NSD2: variants seen among roughly 807,000 people sequenced by gnomAD.
NSD2 encodes the protein nuclear receptor binding SET domain protein 2, also known as histone-lysine N-methyltransferase NSD2.
NSD2 carries 12 observed loss-of-function variants against 139.0 expected under a neutral mutation model. The observed-to-expected ratio is 0.09, with a 90% CI of 0.06 to 0.14. The LOEUF (loss-of-function observed/expected upper bound fraction) is 0.14, where lower values mean the gene tolerates loss of function less well. Among genes scored for constraint, NSD2 ranks in the 10% least tolerant of loss-of-function variants. The probability of loss-of-function intolerance (pLI) is 1.00; values close to 1 mark genes in which losing one functional copy is unlikely to be tolerated. For missense variants in NSD2, 1,155 were observed against 1,745.0 expected (o/e 0.66, Z 6.02); for synonymous variants, 669 against 648.7 (o/e 1.03, Z -0.48).
At chr4:1,871,644 G>T (rs1384906261) in intron 1 of NSD2, 102 bp downstream of exon 1, 2 of 149,610 alleles carry the variant, frequency 1.3e-5, no homozygotes, top group South Asian at 4.1e-4. Flanking sequence ...GGAGGACCGC[G>T]GAGGCCTGAG....
intron 1 of NSD2, among the ~76,000 whole-genome samples, chr4:1,875,466 G>T (rs1167421429): frequency 6.6e-6 from 1 of 151,960 alleles, no homozygotes; most frequent in Non-Finnish European, 1.5e-5. Context: ...GTTTTATACA[G>T]ACAGGATTTC....
chr4:1,875,030 T>C (rs2108882170), intron 1 of NSD2, among the ~76,000 whole-genome samples: 1 of 152,176 alleles, frequency 6.6e-6, no homozygotes, highest in East Asian at 1.9e-4. Flanking sequence ...GGTTCAATCA[T>C]AGCTCACTGT....
At chr4:1,939,582 G>T in intron 8 of NSD2, 72 bp from the exon 9 acceptor site, 1 of 1,429,894 alleles carries the variant, frequency 7.0e-7, no homozygotes, top group East Asian at 2.3e-5. Flanking sequence ...CTTATTTGAG[G>T]GGTAATTTTT....
chr4:1,968,264 G>C (rs568872523), intron 18 of NSD2, among the ~76,000 whole-genome samples: 1 of 152,302 alleles, frequency 6.6e-6, no homozygotes, highest in African/African-American at 2.4e-5. Context: ...CAAGTTTGTG[G>C]GTATGTGGAT....
chr4:1,949,580 G>A (rs979399093), intron 9 of NSD2, among the ~76,000 whole-genome samples: 1 of 152,118 alleles, frequency 6.6e-6, no homozygotes, highest in African/African-American at 2.4e-5. Flanking sequence ...GGCCAACATG[G>A]TGAAACCCCA....
intron 18 of NSD2, among the ~76,000 whole-genome samples, chr4:1,963,523 T>G (rs1725574212): frequency 6.6e-6 from 1 of 152,218 alleles, no homozygotes; most frequent in Non-Finnish European, 1.5e-5. Flanking sequence ...TGTAAACTAC[T>G]TATGTGCTGT....
intron 9 of NSD2, chr4:1,945,865 T>C: frequency 9.4e-7 from 1 of 1,061,494 alleles, no homozygotes; most frequent in Non-Finnish European, 1.1e-6. Flanking sequence ...AAGGTCGTTA[T>C]GACTTTGGCA....
Position 1,901,103 on chromosome 4 carries a change from A to C in NSD2, c.449A>C (p.Asp150Ala). The change falls in exon 2 of 22, where the codon GAT becomes GCT. Residue 150 changes from aspartate to alanine, a missense_variant. Transcript: ENST00000508803. ...TCCATTTGTGGTGACAGTGCTGCTG[A>C]TGTGTCTCAGTCAGAAGAAAATGGA... ...ESSICGDSAA[D>A]VSQSEENGQK... 1 of 1,614,234 alleles carries C rather than the reference A, an allele frequency of 6.2e-7. No homozygotes were observed. The highest frequency in any genetic ancestry group is 8.5e-7 in the Non-Finnish European group (1 of 1,180,044).
At chr4:1,896,777 TTTC>T (rs1716391371) in intron 1 of NSD2, among the ~76,000 whole-genome samples, 2 of 151,844 alleles carry the variant, frequency 1.3e-5, no homozygotes, top group African/African-American at 4.8e-5. Context: ...TTCTCTTTTT[TTTC>T]TTTTCTTTTC....
intron 9 of NSD2, chr4:1,943,412 TATAATA>T (rs1723304712): frequency 3.8e-6 from 4 of 1,041,804 alleles, no homozygotes; most frequent in Non-Finnish European, 4.6e-6. Context: ...TAATAATGGT[TATAATA>T]ATAAAAATGA....
At chr4:1,905,085 G>A (rs760525048) in intron 3 of NSD2, among the ~76,000 whole-genome samples, 28 of 152,004 alleles carry the variant, frequency 1.8e-4, no homozygotes, top group Admixed American at 1.6e-3. Context: ...AGCCGAGATC[G>A]CGCCATTGCA....
intron 2 of NSD2, 58 bp from the exon 3 acceptor site, chr4:1,904,158 T>G: frequency 1.9e-6 from 3 of 1,557,176 alleles, no homozygotes; most frequent in Non-Finnish European, 2.6e-6. Context: ...CTTGGTCTTC[T>G]GGATACACAG....
chr4:1,954,365 C>G (rs970669734), intron 12 of NSD2, among the ~76,000 whole-genome samples: 1 of 151,894 alleles, frequency 6.6e-6, no homozygotes, highest in Admixed American at 6.6e-5. Context: ...CTGCTCTGAC[C>G]TCTTTTCTTT....
rs974802057 is a variant in NSD2 at position 1,919,443 on chromosome 4, C to A, written c.1410+820C>A. ...TTCTTAATTGTTTGCATAAAATGCACAGTCTGTTAGTACATAATAAAGGCT... is the reference window on the plus strand; with the variant it reads ...TTCTTAATTGTTTGCATAAAATGCAAAGTCTGTTAGTACATAATAAAGGCT... On this transcript the variant is annotated intron_variant, in intron 5 of 21. Coordinates refer to ENST00000508803, the MANE Select transcript of NSD2 (RefSeq NM_001042424.3). Among the ~76,000 whole-genome samples, 4 of 152,170 alleles carry A rather than the reference C, an allele frequency of 2.6e-5. 1 individual carries two copies. Among genetic ancestry groups the A allele is most frequent in the Admixed American group, 2.6e-4 (4 of 15,284 alleles).
intron 9 of NSD2, chr4:1,940,046 T>G: frequency 2.3e-6 from 3 of 1,316,418 alleles, no homozygotes; most frequent in Non-Finnish European, 2.9e-6. Context: ...AGTTTCATAG[T>G]TCTTAAAATC....
chr4:1,961,737 A>G (rs1725391445), intron 18 of NSD2, among the ~76,000 whole-genome samples: 1 of 152,202 alleles, frequency 6.6e-6, no homozygotes, highest in Non-Finnish European at 1.5e-5. Context: ...CAATCCTGAC[A>G]GGTGTTGCCG....
At chr4:1,896,234 G>A (rs1716278649) in intron 1 of NSD2, among the ~76,000 whole-genome samples, 2 of 152,236 alleles carry the variant, frequency 1.3e-5, no homozygotes, top group African/African-American at 4.8e-5. Context: ...CCAAGCCCCT[G>A]TCCTGCACCT....
chr4:1,942,281 C>T lies in NSD2; in HGVS notation c.1881+2503C>T. On this transcript the variant is annotated intron_variant, in intron 9 of 21. Coordinates refer to ENST00000508803, the MANE Select transcript of NSD2 (RefSeq NM_001042424.3). The surrounding 1 kb of genome is among the most constrained non-coding windows in gnomAD (Gnocchi z 4.0). The stretch of plus-strand genomic sequence containing the variant: ...ATGTGATTTAAGTGTTTTGTAACTT[C>T]ATTTTTTATTCCTTTAGTAGAGCAA... 1.3e-6 allele frequency: 2 copies of T among 1,596,746 alleles called. No homozygotes were observed. The highest frequency in any genetic ancestry group is 1.7e-6 in the Non-Finnish European group (2 of 1,173,842).
At chr4:1,938,288 G>T (rs1413680261) in intron 7 of NSD2, among the ~76,000 whole-genome samples, 163 bp from the exon 8 acceptor site, 1 of 152,094 alleles carries the variant, frequency 6.6e-6, no homozygotes, top group African/African-American at 2.4e-5. Flanking sequence ...TCCAAAGGAA[G>T]AAGTTTCTGC....
Sources: allele counts gnomAD v4.1 joint callset (sites outside exome capture counted in the v4.1 genomes callset), GRCh38; gene constraint gnomAD v4.1.1; non-coding constraint Gnocchi (gnomAD v3.1); transcripts MANE v1.5; gene names NCBI Gene and HGNC (gene_info 2026-07-23, HGNC 2026-07-21).